PEAK1: variants seen among roughly 807,000 people sequenced by gnomAD.
PEAK1 encodes the protein pseudopodium enriched atypical kinase 1, also known as inactive tyrosine-protein kinase PEAK1.
In PEAK1, 54 loss-of-function variants were observed where a neutral mutation model predicts 124.7. The observed-to-expected ratio is 0.43, with a 90% CI of 0.35 to 0.54. The LOEUF is 0.54. Ranked by LOEUF, PEAK1 falls within the 20% of genes least tolerant of loss-of-function variation. The pLI is 0.01. For synonymous variants in PEAK1, 719 were observed against 760.0 expected (o/e 0.95, Z 0.89); for missense variants, 2,046 against 2,134.5 (o/e 0.96, Z 0.82).
chr15:77,218,390 T>G (rs1017728461), intron 6 of PEAK1, among the ~76,000 whole-genome samples: 23 of 147,644 alleles, frequency 1.6e-4, no homozygotes, highest in African/African-American at 5.0e-4. Context: ...AATAATCATG[T>G]TTTTTTTTTG....
intron 1 of PEAK1, among the ~76,000 whole-genome samples, chr15:77,379,515 G>A (rs1254324012): frequency 6.6e-6 from 1 of 152,120 alleles, no homozygotes; most frequent in East Asian, 1.9e-4. Flanking sequence ...TATACATGGA[G>A]GGAAGCCATT....
intron 6 of PEAK1, among the ~76,000 whole-genome samples, chr15:77,211,960 A>C (rs2058928713): frequency 6.6e-6 from 1 of 151,678 alleles, no homozygotes; most frequent in Non-Finnish European, 1.5e-5. Context: ...TGGTGTTTTC[A>C]TAAAACATTT....
chr15:77,223,886 ATT>A lies in PEAK1; in HGVS notation c.-115+28479_-115+28480del, dbSNP rs10719377. 4.1e-3 allele frequency among the ~76,000 whole-genome samples: 501 copies of A among 121,572 alleles called. 1 individual carries two copies. Among genetic ancestry groups the A allele is most frequent in the African/African-American group, 0.012 (385 of 33,416 alleles). The allele number at this position is 121,572 out of a possible 152,430, so 79.8% of individuals were successfully genotyped here. On this transcript the variant is annotated intron_variant, in intron 6 of 9. Coordinates refer to ENST00000682557, the MANE Select transcript of PEAK1 (RefSeq NM_001385026.1). ...GGAAACCAATAGCCTCATTTGAGAG[ATT>A]TTTTTTTTTTTTTTTTTTTTTACTT... is the stretch of plus-strand genomic sequence containing the variant.
chr15:77,396,489 A>T (rs776752789), intron 1 of PEAK1, among the ~76,000 whole-genome samples: 38 of 151,930 alleles, frequency 2.5e-4, no homozygotes, highest in Non-Finnish European at 3.7e-4. Flanking sequence ...GAAAGGATTT[A>T]AAAAAAACCA....
At chr15:77,195,295 TA>T (rs1233557459) in intron 6 of PEAK1, among the ~76,000 whole-genome samples, 1 of 152,166 alleles carries the variant, frequency 6.6e-6, no homozygotes, top group Non-Finnish European at 1.5e-5. Context: ...CATAGAGAAC[TA>T]AAATTTTACT....
chr15:77,265,102 A>G (rs539648789), intron 5 of PEAK1, among the ~76,000 whole-genome samples: 1,621 of 152,266 alleles, frequency 0.011, 18 homozygotes, highest in Non-Finnish European at 0.017. Context: ...ACAAAAATCA[A>G]TTCAAGATGG....
chr15:77,217,296 G>C (rs1371718937), intron 6 of PEAK1, among the ~76,000 whole-genome samples: 2 of 149,964 alleles, frequency 1.3e-5, no homozygotes, highest in Non-Finnish European at 3.0e-5. Flanking sequence ...TAGCTACCAA[G>C]ATGTGGAAAT....
chr15:77,313,686 G>GTATATATATATATATA, intron 2 of PEAK1, among the ~76,000 whole-genome samples: 1 of 120,948 alleles, frequency 8.3e-6, no homozygotes, highest in African/African-American at 3.7e-5. Flanking sequence ...GTGTGTGTGT[G>GTATATATATATATATA]TGTGTGTATA....
At chr15:77,342,386 G>A (rs1159619246) in intron 2 of PEAK1, among the ~76,000 whole-genome samples, 7 of 148,576 alleles carry the variant, frequency 4.7e-5, no homozygotes, top group Admixed American at 1.3e-4. Context: ...CCTCATATAA[G>A]TAGAATCATA....
intron 1 of PEAK1, among the ~76,000 whole-genome samples, chr15:77,398,443 T>C (rs1236981541): frequency 1.3e-5 from 2 of 152,160 alleles, no homozygotes; most frequent in Non-Finnish European, 2.9e-5. Flanking sequence ...AACCTGAAGA[T>C]GCAAGGATGG....
At chr15:77,265,370 A>G (rs2061667911) in intron 5 of PEAK1, among the ~76,000 whole-genome samples, 1 of 152,232 alleles carries the variant, frequency 6.6e-6, no homozygotes. Context: ...ACAAAGGGCT[A>G]ATATCCAGAA....
chr15:77,304,442 ATT>A (rs71145812), intron 2 of PEAK1, among the ~76,000 whole-genome samples: 9,199 of 85,348 alleles, frequency 0.11, 90 homozygotes, highest in Middle Eastern at 0.19. Context: ...TCCTGTATAC[ATT>A]TTTTTTTTTT....
chr15:77,247,485 C>CG (rs559684791), intron 6 of PEAK1, among the ~76,000 whole-genome samples: 18 of 84,298 alleles, frequency 2.1e-4, no homozygotes, highest in African/African-American at 8.5e-4. Context: ...CTTTTCTTTT[C>CG]TTTTTTTTTT....
At position 77,336,443 on chromosome 15, in the gene PEAK1, G is replaced by A. The variant is rs185321917; in HGVS notation, c.-603+28720C>T. The stretch of plus-strand genomic sequence containing the variant: ...GAGGGGTTAATGGTAACCTACTTTG[G>A]TTTTATATTATTCACACATAAATAA... On this transcript the variant is annotated intron_variant, in intron 2 of 9. Transcript: ENST00000682557. The A allele has an allele frequency of 1.3e-5, 13 of 985,288 alleles. No homozygotes were observed. The African/African-American group carries it at 2.3e-4, about 17-fold the overall frequency. 61.0% of individuals were successfully genotyped at this position (985,288 alleles called of 1,614,324 possible).
rs80065227 is a variant in PEAK1, at chr15:77,386,227, G to T, written c.-665-21002C>A. The stretch of plus-strand genomic sequence containing the variant: ...AAACAAGCAAGTTGCAGAACCAGAT[G>T]TGGACCCACGAAGTACGCCTCCAAT... On this transcript the variant is annotated intron_variant, in intron 1 of 9. Coordinates refer to ENST00000682557, the MANE Select transcript of PEAK1 (RefSeq NM_001385026.1). 1.8e-3 allele frequency among the ~76,000 whole-genome samples: 276 copies of T among 152,310 alleles called. 6 individuals carry two copies. The East Asian group carries it at 0.051, about 28-fold the overall frequency.
chr15:77,367,744 A>G (rs895554560), intron 1 of PEAK1, among the ~76,000 whole-genome samples: 32 of 152,156 alleles, frequency 2.1e-4, no homozygotes, highest in Admixed American at 9.2e-4. Context: ...TTTTATGTTT[A>G]TTTGGTGGTA....
At chr15:77,164,636 C>T (rs149962401) in intron 7 of PEAK1, among the ~76,000 whole-genome samples, 1 of 152,158 alleles carries the variant, frequency 6.6e-6, no homozygotes, top group African/African-American at 2.4e-5. Flanking sequence ...CTATGAAATA[C>T]AAAGTCAGAA....
At chr15:77,302,926 A>G (rs1051773537) in intron 2 of PEAK1, among the ~76,000 whole-genome samples, 25 of 152,220 alleles carry the variant, frequency 1.6e-4, no homozygotes, top group African/African-American at 4.8e-4. Context: ...CAACCTTCCC[A>G]TCAACTCCTT....
At chr15:77,241,681 C>G (rs1411526598) in intron 6 of PEAK1, among the ~76,000 whole-genome samples, 1 of 151,160 alleles carries the variant, frequency 6.6e-6, no homozygotes, top group African/African-American at 2.4e-5. Context: ...AAGCAATGTA[C>G]TAATAGAAAC....
Sources: gnomAD v4.1 joint callset for allele counts (sites outside exome capture counted in the v4.1 genomes callset) on GRCh38, gnomAD v4.1.1 for gene constraint, MANE v1.5 for transcripts, NCBI Gene and HGNC (gene_info 2026-07-23, HGNC 2026-07-21) for gene names.